The following PRKCB variants were observed in gnomAD, a reference collection of about 807,000 sequenced individuals.
The protein encoded by PRKCB is protein kinase C beta type.
In PRKCB, 13 loss-of-function variants were observed where a neutral mutation model predicts 81.5. The observed-to-expected ratio is 0.16, with a 90% CI of 0.10 to 0.25. The LOEUF (loss-of-function observed/expected upper bound fraction) is 0.25, where lower values mean the gene tolerates loss of function less well. Ranked by LOEUF, PRKCB falls within the 10% of genes least tolerant of loss-of-function variation. The pLI is 1.00. For synonymous variants in PRKCB, 335 were observed against 321.4 expected (o/e 1.04, Z -0.45); for missense variants, 509 against 875.7 (o/e 0.58, Z 5.29).
chr16:23,938,701 C>G (rs1245038268), intron 2 of PRKCB, among the ~76,000 whole-genome samples: 2 of 152,152 alleles, frequency 1.3e-5, no homozygotes, highest in Non-Finnish European at 2.9e-5. Flanking sequence ...TTGTGGAAGA[C>G]AGTCAGAAAA....
chr16:24,112,251 A>C (rs1966684439), intron 7 of PRKCB, among the ~76,000 whole-genome samples: 1 of 152,216 alleles, frequency 6.6e-6, no homozygotes. Flanking sequence ...GCATGACAAG[A>C]GTGTATTTAC....
At chr16:23,880,911 G>C (rs923779244) in intron 2 of PRKCB, among the ~76,000 whole-genome samples, 3 of 151,972 alleles carry the variant, frequency 2.0e-5, no homozygotes, top group African/African-American at 7.3e-5. Context: ...CACATTTTAC[G>C]ATCTTTTTTT....
chr16:24,142,222 C>A (rs1471238831), intron 9 of PRKCB, among the ~76,000 whole-genome samples: 2 of 152,202 alleles, frequency 1.3e-5, no homozygotes, highest in Non-Finnish European at 2.9e-5. Flanking sequence ...TGAACTTGAA[C>A]CTTCTATGAC....
chr16:24,034,736 T>C (rs989347296), intron 4 of PRKCB, among the ~76,000 whole-genome samples: 3 of 152,156 alleles, frequency 2.0e-5, no homozygotes, highest in African/African-American at 7.2e-5. Flanking sequence ...CCCAAGATAA[T>C]GCCTCTTCCA....
intron 16 of PRKCB, among the ~76,000 whole-genome samples, chr16:24,209,146 T>G (rs1968094585): frequency 1.3e-5 from 2 of 152,134 alleles, no homozygotes; most frequent in Non-Finnish European, 2.9e-5. Flanking sequence ...AAATGGTCCC[T>G]GAAGATGCTC....
chr16:24,108,498 G>C (rs1255254421), intron 7 of PRKCB, among the ~76,000 whole-genome samples: 1 of 145,088 alleles, frequency 6.9e-6, no homozygotes, highest in Non-Finnish European at 1.5e-5. Flanking sequence ...AGGACCCTGC[G>C]GCCTTCCGCA....
rs1362763134 is a variant in PRKCB, at chr16:24,068,418, C to G, written c.530-24373C>G. 4.6e-5 allele frequency among the ~76,000 whole-genome samples: 7 copies of G among 151,692 alleles called. No homozygotes were observed. The East Asian group carries it at 1.3e-3, about 29-fold the overall frequency. On this transcript the variant is annotated intron_variant, in intron 5 of 16. Transcript: ENST00000643927. ...TGGCCTCCCTCCTTCTTAGCAGGTG[C>G]CCTCTGTCTAGCTTCTTAGTCCTTT...
intron 5 of PRKCB, among the ~76,000 whole-genome samples, chr16:24,039,381 AC>A (rs1487455471): frequency 6.6e-6 from 1 of 150,742 alleles, no homozygotes; most frequent in Non-Finnish European, 1.5e-5. Flanking sequence ...GGCACGTGCC[AC>A]CATGCCCAGC....
chr16:24,004,331 T>C (rs1405384173), intron 3 of PRKCB, among the ~76,000 whole-genome samples: 4 of 151,822 alleles, frequency 2.6e-5, no homozygotes, highest in Non-Finnish European at 5.9e-5. Context: ...AAAATACATA[T>C]ATAAAAATGA....
At chr16:23,912,638 G>T (rs1370271779) in intron 2 of PRKCB, among the ~76,000 whole-genome samples, 2 of 137,562 alleles carry the variant, frequency 1.5e-5, no homozygotes, top group Admixed American at 7.7e-5. Flanking sequence ...TCAGCCTCCA[G>T]AGTAGCTGGG....
intron 7 of PRKCB, among the ~76,000 whole-genome samples, chr16:24,094,849 A>C (rs1470914909): frequency 6.8e-6 from 1 of 146,988 alleles, no homozygotes; most frequent in Non-Finnish European, 1.5e-5. Context: ...GGAAGGAAGG[A>C]AGGAAAGGAA....
At chr16:23,988,299 A>C (rs1964827435) in intron 2 of PRKCB, among the ~76,000 whole-genome samples, 1 of 152,188 alleles carries the variant, frequency 6.6e-6, no homozygotes, top group East Asian at 1.9e-4. Context: ...TAGAAGTTTA[A>C]CTCCTATGCA....
intron 10 of PRKCB, among the ~76,000 whole-genome samples, chr16:24,166,790 C>T (rs1009851205): frequency 5.3e-5 from 8 of 152,110 alleles, no homozygotes; most frequent in Admixed American, 1.3e-4. Context: ...AGATGCCAAC[C>T]GTAACATTTA....
intron 2 of PRKCB, among the ~76,000 whole-genome samples, chr16:23,861,383 G>T (rs1441759611): frequency 2.0e-5 from 3 of 152,002 alleles, no homozygotes; most frequent in Non-Finnish European, 4.4e-5. Flanking sequence ...TTCCCAGGCT[G>T]GTCTTGAATT....
intron 7 of PRKCB, chr16:24,100,071 C>T (rs570650250): frequency 6.6e-6 from 1 of 151,950 alleles, no homozygotes; most frequent in Admixed American, 6.6e-5. Flanking sequence ...TGGCGTTAGT[C>T]CTGTTTATAA....
intron 16 of PRKCB, among the ~76,000 whole-genome samples, chr16:24,210,496 C>G (rs561457543): frequency 1.6e-4 from 24 of 148,234 alleles, no homozygotes; most frequent in African/African-American, 4.9e-4. Context: ...CCTGGACTTT[C>G]TTCTTCTTTT....
At chr16:23,901,837 T>C (rs1446022016) in intron 2 of PRKCB, among the ~76,000 whole-genome samples, 2 of 152,184 alleles carry the variant, frequency 1.3e-5, no homozygotes, top group African/African-American at 4.8e-5. Context: ...TAAAAGTCAG[T>C]CTGGGTTTGC....
chr16:23,874,967 A>G (rs1254906639), intron 2 of PRKCB, among the ~76,000 whole-genome samples: 1 of 151,672 alleles, frequency 6.6e-6, no homozygotes, highest in African/African-American at 2.4e-5. Context: ...TCTGTCTTCC[A>G]GCCTGATCAC....
chr16:23,870,592 G>A (rs1962886707), intron 2 of PRKCB, among the ~76,000 whole-genome samples: 1 of 152,164 alleles, frequency 6.6e-6, no homozygotes, highest in Admixed American at 6.5e-5. Flanking sequence ...AAGCCATTAG[G>A]TGCTTCACTT....
Sources: gnomAD v4.1 joint callset for allele counts (sites outside exome capture counted in the v4.1 genomes callset) on GRCh38, gnomAD v4.1.1 for gene constraint, MANE v1.5 for transcripts, NCBI Gene and HGNC (gene_info 2026-07-23, HGNC 2026-07-21) for gene names.